The following DNAH12 variants were observed in gnomAD, a reference collection of about 807,000 sequenced individuals.
DNAH12 encodes axonemal beta dynein heavy chain 12.
In DNAH12, 285 loss-of-function variants were observed where a neutral mutation model predicts 371.5. That is an observed-to-expected ratio of 0.77 (90% CI 0.70 to 0.85). DNAH12 has a LOEUF of 0.85. Ranked by LOEUF, DNAH12 falls within the 40% of genes least tolerant of loss-of-function variation. The pLI is 0.00. For synonymous variants in DNAH12, 1,200 were observed against 1,213.0 expected, an observed-to-expected ratio of 0.99 and a Z score of 0.22; for missense variants, 3,611 against 3,689.4, an observed-to-expected ratio of 0.98 and a Z score of 0.55.
chr3:57,316,047 T>C (rs1275500775), intron 65 of DNAH12, among the ~76,000 whole-genome samples: 1 of 152,216 alleles, frequency 6.6e-6, no homozygotes, highest in Non-Finnish European at 1.5e-5. Flanking sequence ...GCCACAGTCC[T>C]GTTATCTAGA....
chr3:57,503,396 T>G (rs1375694480), intron 9 of DNAH12, among the ~76,000 whole-genome samples: 1 of 149,622 alleles, frequency 6.7e-6, no homozygotes, highest in Non-Finnish European at 1.5e-5. Flanking sequence ...TATTATTGGT[T>G]TTTTTTTTTT....
chr3:57,356,789 G>C (rs1441111876), intron 59 of DNAH12, among the ~76,000 whole-genome samples: 3 of 151,918 alleles, frequency 2.0e-5, no homozygotes, highest in Non-Finnish European at 4.4e-5. Context: ...GCGCAGGCTG[G>C]AGTGCGGGGG....
At chr3:57,299,281 T>C (rs367619313) in intron 70 of DNAH12, among the ~76,000 whole-genome samples, 12 of 152,342 alleles carry the variant, frequency 7.9e-5, no homozygotes, top group African/African-American at 2.6e-4. Flanking sequence ...AGCTACCATT[T>C]ACTAAGTGCT....
Position 57,446,266 on chromosome 3 carries a change from A to G in DNAH12, c.3944T>C (p.Phe1315Ser). The change falls in exon 27 of 74, where the codon TTT (phenylalanine) becomes TCT (serine). Residue 1315 changes from phenylalanine (F) to serine (S), a missense_variant. Physicochemically the swap from Phe to Ser is radical, Grantham distance 155. This residue lies in a region of DNAH12 where 2,266 missense variants were observed against 2,236.9 expected (regional missense o/e 1.01). Transcript: ENST00000495027. ...GLDYLAMGKFFKGLASSGAWA... is the reference protein window; with the variant it reads ...GLDYLAMGKFSKGLASSGAWA... ...AGCACCAGAAGAAGCCAGTCCTTTAAAAAACTAAGGACAAAGAAAAAGGAA... is the reference window on the plus strand; with the variant it reads ...AGCACCAGAAGAAGCCAGTCCTTTAGAAAACTAAGGACAAAGAAAAAGGAA... 1 of 1,550,318 alleles carries G rather than the reference A, an allele frequency of 6.5e-7. No homozygotes were observed. Among genetic ancestry groups the G allele is most frequent in the Non-Finnish European group, 8.7e-7 (1 of 1,146,360 alleles).
At chr3:57,555,507 C>G in the DNAH12 span, among the ~76,000 whole-genome samples, 1 of 152,262 alleles carries the variant, frequency 6.6e-6, no homozygotes, top group Non-Finnish European at 1.5e-5. Flanking sequence ...CACTGCACTC[C>G]AGCTTGGGCG....
intron 15 of DNAH12, 70 bp downstream of exon 15, chr3:57,471,402 A>C (rs2066363467): frequency 7.5e-7 from 1 of 1,332,668 alleles, no homozygotes; most frequent in Admixed American, 3.8e-5. Context: ...TATACTTTTA[A>C]ATTTATGTTA....
intron 58 of DNAH12, among the ~76,000 whole-genome samples, chr3:57,359,482 C>T (rs1256127505): frequency 6.7e-6 from 1 of 149,980 alleles, no homozygotes; most frequent in Admixed American, 6.7e-5. Flanking sequence ...TGGCTTGAAC[C>T]CGGGAGGCAG....
In DNAH12 at chr3:57,402,499, T is replaced by A; in HGVS notation, c.6948+810A>T. 4 of 1,171,450 alleles carry A rather than the reference T, an allele frequency of 3.4e-6. No individual in the cohort carries two copies. In the South Asian group the frequency reaches 5.2e-5, roughly 15 times the overall value. The allele number at this position is 1,171,450 out of a possible 1,614,324, so 72.6% of individuals were successfully genotyped here. ...TCAACATCATCATCAGGTTCATGGT[T>A]AAATCTGCTAGAAACCATTTATTTA... On this transcript the variant is annotated intron_variant, in intron 43 of 73. Transcript: ENST00000495027.
At chr3:57,508,596 A>T in intron 6 of DNAH12, 56 bp from the exon 7 acceptor site, 3 of 1,546,572 alleles carry the variant, frequency 1.9e-6, no homozygotes, top group East Asian at 4.7e-5. Flanking sequence ...CCTAAACTTT[A>T]GGAAATAATG....
chr3:57,537,282 A>G (rs2069086357), intron 2 of DNAH12, among the ~76,000 whole-genome samples: 1 of 152,238 alleles, frequency 6.6e-6, no homozygotes, highest in African/African-American at 2.4e-5. Context: ...TAAAAACTTG[A>G]TAATTTCAAA....
intron 60 of DNAH12, among the ~76,000 whole-genome samples, chr3:57,339,030 TA>T (rs2062319794): frequency 6.6e-6 from 1 of 152,238 alleles, no homozygotes; most frequent in Admixed American, 6.5e-5. Flanking sequence ...TGTTCTGTAC[TA>T]AGAAAAATTC....
At chr3:57,487,288 A>AAAGGAAGGAAGGAAGG (rs148766578) in intron 12 of DNAH12, among the ~76,000 whole-genome samples, 1 of 110,508 alleles carries the variant, frequency 9.0e-6, no homozygotes, top group African/African-American at 3.7e-5. Context: ...AAGAAGGAAG[A>AAAGGAAGGAAGGAAGG]AAGGAAGGAA....
At chr3:57,339,312 C>T (rs1430681767) in intron 60 of DNAH12, among the ~76,000 whole-genome samples, 2 of 151,588 alleles carry the variant, frequency 1.3e-5, no homozygotes, top group Non-Finnish European at 2.9e-5. Flanking sequence ...GACCTTCTCT[C>T]CACTATTATC....
Position 57,433,788 on chromosome 3 carries a change from C to A in DNAH12, c.4696G>T (p.Val1566Phe). 1 of 1,548,514 alleles carries A rather than the reference C, an allele frequency of 6.5e-7. No individual in the cohort carries two copies. The highest frequency in any genetic ancestry group is 8.7e-7 in the Non-Finnish European group (1 of 1,146,204). Residue 1566 changes from valine to phenylalanine, a missense_variant, in exon 31 of 74, where the codon GTT (valine) becomes TTT (phenylalanine). By Grantham distance (50) the Val-to-Phe change is conservative (BLOSUM62 -1). Coordinates refer to ENST00000495027, the MANE Select transcript of DNAH12 (RefSeq NM_001366028.2). The stretch of plus-strand genomic sequence containing the variant: ...AGCGTATCCGCCAGCACATGCAGAA[C>A]TTTTGTCTTAGCAGCAAAAGGCTCT... ...VGEPFAAKTK[V>F]LHVLADTLTL...
chr3:57,424,716 T>TGGA (rs2064706312), intron 35 of DNAH12, among the ~76,000 whole-genome samples: 1 of 145,230 alleles, frequency 6.9e-6, no homozygotes, highest in African/African-American at 2.6e-5. Flanking sequence ...AGGTGGGGGG[T>TGGA]GGAGGTTGTA....
intron 2 of DNAH12, among the ~76,000 whole-genome samples, chr3:57,528,454 G>A (rs142726579): frequency 0.023 from 3,539 of 151,342 alleles, 66 homozygotes; most frequent in Middle Eastern, 0.035. Context: ...GGCCAGGCGC[G>A]GTGGCTCACG....
intron 2 of DNAH12, chr3:57,530,460 T>G (rs1213127587): frequency 1.8e-5 from 13 of 718,476 alleles, no homozygotes; most frequent in Non-Finnish European, 3.3e-5. Flanking sequence ...ACATGCCAGA[T>G]GCTTGCCCTG....
intron 64 of DNAH12, 143 bp from the exon 65 acceptor site, chr3:57,322,626 T>G: frequency 9.6e-7 from 1 of 1,036,978 alleles, no homozygotes; most frequent in Non-Finnish European, 1.3e-6. Context: ...ATCTGAGGCT[T>G]GATTAAGATA....
In DNAH12 at chr3:57,353,297, A is replaced by AT. The variant is rs1217023468; in HGVS notation, c.9534-1073dup. On this transcript the variant is annotated intron_variant, in intron 59 of 73. Coordinates refer to ENST00000495027, the MANE Select transcript of DNAH12 (RefSeq NM_001366028.2). ...CATTCTAAAAATAGTTTGGCACTTT[A>AT]TTTTTTTTTTTTGGAGACAGGGTCT... 8.8e-3 allele frequency among the ~76,000 whole-genome samples: 1,279 copies of AT among 145,046 alleles called. 12 individuals carry two copies. Among genetic ancestry groups the AT allele is most frequent in the Non-Finnish European group, 9.8e-3 (644 of 65,828 alleles).
Sources: allele counts gnomAD v4.1 joint callset (sites outside exome capture counted in the v4.1 genomes callset), GRCh38; gene constraint gnomAD v4.1.1; regional missense constraint gnomAD v4.1.1; transcripts MANE v1.5; gene names NCBI Gene and HGNC (gene_info 2026-07-23, HGNC 2026-07-21).